Variants in PALD1 observed in about 807,000 individuals in gnomAD.
PALD1 encodes the protein phosphatase domain containing paladin 1.
PALD1 carries 57 observed loss-of-function variants against 96.0 expected under a neutral mutation model. The observed-to-expected ratio is 0.59, with a 90% confidence interval of 0.48 to 0.74. PALD1 has a LOEUF of 0.74. PALD1 is among the 30% of genes least tolerant of loss of function. The pLI is 0.00. For synonymous variants in PALD1, 464 were observed against 473.6 expected, an observed-to-expected ratio of 0.98 and a Z score of 0.26; for missense variants, 1,063 against 1,143.7, an observed-to-expected ratio of 0.93 and a Z score of 1.02.
intron 11 of PALD1, 62 bp downstream of exon 11, chr10:70,537,968 C>A: frequency 1.7e-6 from 2 of 1,202,794 alleles, no homozygotes; most frequent in Non-Finnish European, 2.5e-6. Flanking sequence ...GCCTCCCCAC[C>A]GCAGTGACTG....
intron 1 of PALD1, among the ~76,000 whole-genome samples, chr10:70,483,641 T>A (rs959182170): frequency 3.0e-4 from 45 of 152,156 alleles, no homozygotes; most frequent in African/African-American, 1.1e-3. Context: ...CCCCAGGCCC[T>A]TCCTCTCTGT....
At chr10:70,531,807 C>T (rs1320509799) in intron 5 of PALD1, among the ~76,000 whole-genome samples, 1 of 151,982 alleles carries the variant, frequency 6.6e-6, no homozygotes, top group Non-Finnish European at 1.5e-5. Context: ...CGTGGTGAAA[C>T]TGTGTCTCTA....
chr10:70,531,600 A>T lies in PALD1; in HGVS notation c.633+146A>T, dbSNP rs141770086. On this transcript the variant is annotated intron_variant, in intron 5 of 19. Transcript: ENST00000263563. ...GGGTGAGTGGCTGGCTGCAAGGCTG[A>T]CTCACGGGCAGCCAGAGGAAGGACT... is the stretch of plus-strand genomic sequence containing the variant. 1,968 of 695,450 alleles carry T rather than the reference A, an allele frequency of 2.8e-3. 40 individuals carry two copies. The African/African-American group carries it at 0.032, about 11-fold the overall frequency. The allele number at this position is 695,450 out of a possible 1,614,324, so 43.1% of individuals were successfully genotyped here.
At chr10:70,553,372 T>C (rs1847520982) in intron 18 of PALD1, among the ~76,000 whole-genome samples, 1 of 151,962 alleles carries the variant, frequency 6.6e-6, no homozygotes, top group African/African-American at 2.4e-5. Context: ...TCCTCCAGAT[T>C]TGGATGTGGC....
Position 70,526,144 on chromosome 10 carries a change from G to T in PALD1, c.185+8G>T, listed in dbSNP as rs753842005. 6.2e-7 allele frequency: 1 copy of T among 1,612,474 alleles called. No individual in the cohort carries two copies. Among genetic ancestry groups the T allele is most frequent in the Non-Finnish European group, 8.5e-7 (1 of 1,178,688 alleles). On this transcript the variant is annotated splice_region_variant and intron_variant, in intron 2 of 19. Transcript: ENST00000263563. ...GGCCCCTGTTGTGATCACGTGAGTG[G>T]CAGGGGGAGTGTGCCCATGTCCCTG...
At chr10:70,502,057 G>C (rs941329079) in intron 1 of PALD1, among the ~76,000 whole-genome samples, 8 of 152,108 alleles carry the variant, frequency 5.3e-5, no homozygotes, top group African/African-American at 1.9e-4. Flanking sequence ...CCAGTGCCCT[G>C]GGAGACTGAG....
intron 15 of PALD1, 70 bp from the exon 16 acceptor site, chr10:70,541,032 A>C: frequency 6.7e-7 from 1 of 1,496,260 alleles, no homozygotes; most frequent in Non-Finnish European, 9.0e-7. Flanking sequence ...TGCCATGTGG[A>C]TGGGGACCCT....
At chr10:70,563,815 G>A (rs1444458733) in intron 18 of PALD1, among the ~76,000 whole-genome samples, 1 of 152,204 alleles carries the variant, frequency 6.6e-6, no homozygotes, top group Non-Finnish European at 1.5e-5. Flanking sequence ...GCGTCCACAC[G>A]GCAGAGCCTC....
chr10:70,547,829 C>T (rs1847399989), intron 18 of PALD1, among the ~76,000 whole-genome samples: 1 of 152,006 alleles, frequency 6.6e-6, no homozygotes, highest in South Asian at 2.1e-4. Context: ...AGGTCCCAGA[C>T]AGGAGTCAGG....
Position 70,536,617 on chromosome 10 carries a change from T to TCTACTCTGCTGGCCCAC in PALD1, c.1228-1193_1228-1177dup, listed in dbSNP as rs1847121152. 4.6e-5 allele frequency among the ~76,000 whole-genome samples: 7 copies of TCTACTCTGCTGGCCCAC among 152,242 alleles called. No homozygotes were observed. The South Asian group carries it at 1.2e-3, about 27-fold the overall frequency. ...TTACTGGAACACAGTCTTGCTGTTC[T>TCTACTCTGCTGGCCCAC]CTACTCTGCTGGCCCACGACTGCTC... On this transcript the variant is annotated intron_variant, in intron 10 of 19. Coordinates refer to ENST00000263563, the MANE Select transcript of PALD1 (RefSeq NM_014431.3).
chr10:70,490,025 C>T (rs1396290273), intron 1 of PALD1, among the ~76,000 whole-genome samples: 3 of 151,954 alleles, frequency 2.0e-5, no homozygotes, highest in Admixed American at 6.6e-5. Context: ...CGGGTTCAAG[C>T]GATTCTCCTG....
chr10:70,472,670 C>A, the PALD1 span, among the ~76,000 whole-genome samples: 5 of 152,220 alleles, frequency 3.3e-5, no homozygotes, highest in East Asian at 7.7e-4. Flanking sequence ...CCCTCCCACC[C>A]CTTGTCTTTC....
intron 19 of PALD1, among the ~76,000 whole-genome samples, chr10:70,565,989 G>A (rs1489048760): frequency 4.6e-5 from 7 of 152,188 alleles, no homozygotes; most frequent in East Asian, 1.9e-4. Context: ...TCTCTCCTGC[G>A]GATGAGTGGA....
rs773676053 is a variant in PALD1, at chr10:70,564,364, G to A, written c.2263G>A (p.Ala755Thr). ...REIIICTYRQ[A>T]KAAKEAQEMR... Reference sequence around the variant, plus strand: ...GACCCCACCCTGTCCTGTCCTCCAGGCGAAGGCAGCGAAAGAGGCGCAAGA... The same window carrying A: ...GACCCCACCCTGTCCTGTCCTCCAGACGAAGGCAGCGAAAGAGGCGCAAGA... The change falls in exon 19 of 20, where the codon GCG (alanine) becomes ACG (threonine). Residue 755 changes from alanine to threonine, a missense_variant and splice_region_variant. Physicochemically the swap from Ala to Thr is moderately conservative, Grantham distance 58. Coordinates refer to ENST00000263563, the MANE Select transcript of PALD1 (RefSeq NM_014431.3). The A allele has an allele frequency of 6.2e-7, 1 of 1,612,096 alleles. No homozygotes were observed. The highest frequency in any genetic ancestry group is 8.5e-7 in the Non-Finnish European group (1 of 1,179,018).
intron 1 of PALD1, among the ~76,000 whole-genome samples, chr10:70,497,756 T>C (rs1178496304): frequency 9.9e-5 from 15 of 151,990 alleles, no homozygotes; most frequent in Non-Finnish European, 4.4e-5. Context: ...TGTGTATTTT[T>C]AGTAGAAACA....
chr10:70,529,769 T>C, intron 3 of PALD1, 120 bp from the exon 4 acceptor site: 1 of 772,546 alleles, frequency 1.3e-6, no homozygotes. Flanking sequence ...GAGGGCAGGA[T>C]CATGTTCTTT....
In PALD1 at chr10:70,539,842, G is replaced by A. The variant is rs757343320; in HGVS notation, c.1908+80G>A. On this transcript the variant is annotated intron_variant, in intron 15 of 19. Coordinates refer to ENST00000263563, the MANE Select transcript of PALD1 (RefSeq NM_014431.3). The surrounding 1 kb of genome is among the most constrained non-coding windows in gnomAD (Gnocchi z 4.5). ...CTCCCCTCTGGTCTGGGCTCTGGGA[G>A]AATGAAACGACCCCAGCTTCTCTAC... is the stretch of plus-strand genomic sequence containing the variant. 10 of 1,236,378 alleles carry A rather than the reference G, an allele frequency of 8.1e-6. No homozygotes were observed. Among genetic ancestry groups the A allele is most frequent in the Non-Finnish European group, 1.1e-5 (10 of 889,764 alleles). The allele number at this position is 1,236,378 out of a possible 1,614,324, so 76.6% of individuals were successfully genotyped here.
intron 1 of PALD1, among the ~76,000 whole-genome samples, chr10:70,489,181 G>A (rs565933735): frequency 5.0e-4 from 76 of 152,138 alleles, no homozygotes; most frequent in Non-Finnish European, 9.0e-4. Context: ...TACGTGGGTG[G>A]AGGATGGGAT....
At chr10:70,460,032 T>A in the PALD1 span, among the ~76,000 whole-genome samples, 1 of 152,186 alleles carries the variant, frequency 6.6e-6, no homozygotes. Context: ...AGAGACTCCG[T>A]GTTACCAAAT....
Sources: allele counts gnomAD v4.1 joint callset (sites outside exome capture counted in the v4.1 genomes callset), GRCh38; gene constraint gnomAD v4.1.1; non-coding constraint Gnocchi (gnomAD v3.1); transcripts MANE v1.5; gene names NCBI Gene and HGNC (gene_info 2026-07-23, HGNC 2026-07-21).